The following ZNF407 variants were observed in gnomAD, a reference collection of about 807,000 sequenced individuals.
ZNF407 encodes zinc finger protein 407.
In ZNF407, 17 loss-of-function variants were observed where a neutral mutation model predicts 131.2. The observed-to-expected ratio is 0.13, with a 90% CI of 0.09 to 0.19. The LOEUF is 0.19. ZNF407 is among the 10% of genes least tolerant of loss of function. The pLI is 1.00. For synonymous variants in ZNF407, 1,156 were observed against 1,062.0 expected (o/e 1.09, Z -1.72); for missense variants, 2,681 against 2,830.6 (o/e 0.95, Z 1.20).
At chr18:74,800,856 A>G (rs774820425) in intron 4 of ZNF407, among the ~76,000 whole-genome samples, 1 of 152,146 alleles carries the variant, frequency 6.6e-6, no homozygotes, top group Non-Finnish European at 1.5e-5. Flanking sequence ...CCTATCACTG[A>G]TAACTTTTAT....
intron 1 of ZNF407, among the ~76,000 whole-genome samples, chr18:74,615,822 C>T (rs1158256380): frequency 6.6e-6 from 1 of 151,806 alleles, no homozygotes; most frequent in African/African-American, 2.4e-5. Context: ...GACTTGTGAT[C>T]CCATCTGTGA....
At chr18:74,858,714 G>A (rs1970894590) in intron 4 of ZNF407, among the ~76,000 whole-genome samples, 1 of 152,000 alleles carries the variant, frequency 6.6e-6, no homozygotes, top group African/African-American at 2.4e-5. Context: ...TTTCAAAATT[G>A]TTGGGCATAT....
intron 3 of ZNF407, among the ~76,000 whole-genome samples, chr18:74,671,400 G>C (rs546838775): frequency 6.6e-5 from 10 of 151,732 alleles, no homozygotes; most frequent in Non-Finnish European, 1.2e-4. Context: ...ACATGTGAAG[G>C]TGTGTTATAT....
At chr18:74,753,404 G>C (rs887955575) in intron 3 of ZNF407, among the ~76,000 whole-genome samples, 1 of 152,210 alleles carries the variant, frequency 6.6e-6, no homozygotes, top group Non-Finnish European at 1.5e-5. Flanking sequence ...TTGAATAGGA[G>C]TGGTGAGAGA....
At chr18:74,660,951 A>G (rs983047664) in intron 3 of ZNF407, among the ~76,000 whole-genome samples, 4 of 152,192 alleles carry the variant, frequency 2.6e-5, no homozygotes, top group Non-Finnish European at 5.9e-5. Flanking sequence ...AGGCAACTGA[A>G]AGTTAAGAAA....
intron 4 of ZNF407, among the ~76,000 whole-genome samples, chr18:74,875,860 TTAAC>T (rs1971148851): frequency 1.3e-5 from 2 of 152,194 alleles, no homozygotes; most frequent in Non-Finnish European, 2.9e-5. Context: ...TCTTAAATAT[TTAAC>T]TATTTTTATT....
At chr18:74,623,565 ATTGT>A (rs1324182848) in intron 1 of ZNF407, among the ~76,000 whole-genome samples, 1 of 152,242 alleles carries the variant, frequency 6.6e-6, no homozygotes, top group Non-Finnish European at 1.5e-5. Flanking sequence ...GACTGAAATA[ATTGT>A]TTCTCAAATT....
chr18:75,064,202 G>T lies in ZNF407; in HGVS notation c.6481G>T (p.Gly2161Cys). ...LVQAMVQESSGGFSEGTTHYI... is the reference protein window; with the variant it reads ...LVQAMVQESSCGFSEGTTHYI... ...CCAGGCCATGGTGCAGGAGTCCAGTGGCGGCTTCTCCGAGGGCACCACGCA... is the reference window on the plus strand; with the variant it reads ...CCAGGCCATGGTGCAGGAGTCCAGTTGCGGCTTCTCCGAGGGCACCACGCA... The change falls in exon 9 of 9, where the codon GGC becomes TGC. Residue 2161 changes from glycine (G) to cysteine (C), a missense_variant. By Grantham distance (159) the Gly-to-Cys change is radical (BLOSUM62 -3). Around this residue, in one of 6 missense-constraint regions of ZNF407, gnomAD observed 620 missense variants for 583.1 expected, o/e 1.06. Transcript: ENST00000299687. The T allele has an allele frequency of 6.2e-7, 1 of 1,604,900 alleles. No homozygotes were observed.
In ZNF407 at chr18:74,694,402, A is replaced by G. The variant is rs368935615; in HGVS notation, c.4802+53280A>G. ...GATCTCTTGGAATTTGATCAATTCC[A>G]AGAGATATAGCTCCCTTTATTAATT... On this transcript the variant is annotated intron_variant, in intron 3 of 8. Transcript: ENST00000299687. Among the ~76,000 whole-genome samples the G allele has an allele frequency of 1.6e-4, 24 of 152,168 alleles. No individual in the cohort carries two copies. The South Asian group carries it at 5.0e-3, about 32-fold the overall frequency.
intron 7 of ZNF407, among the ~76,000 whole-genome samples, chr18:74,892,658 G>A (rs370314427): frequency 2.0e-5 from 3 of 152,274 alleles, no homozygotes; most frequent in East Asian, 1.9e-4. Context: ...AGTTTTTGAA[G>A]TAGTTAAAAA....
rs547470847 is a variant in ZNF407, at chr18:74,602,083, C to T, written c.-54+4146C>T. Among the ~76,000 whole-genome samples, 3 of 152,298 alleles carry T rather than the reference C, an allele frequency of 2.0e-5. No individual in the cohort carries two copies. The South Asian group carries it at 6.2e-4, about 32-fold the overall frequency. On this transcript the variant is annotated intron_variant, in intron 1 of 8. Coordinates refer to ENST00000299687, the MANE Select transcript of ZNF407 (RefSeq NM_017757.3). ...CAGTGTTGTCTTGTGACTAGAACATCTCCTTATGGTAATTATATGGGTAGA... is the reference window on the plus strand; with the variant it reads ...CAGTGTTGTCTTGTGACTAGAACATTTCCTTATGGTAATTATATGGGTAGA...
At chr18:74,788,322 T>TG (rs1373544198) in intron 4 of ZNF407, among the ~76,000 whole-genome samples, 1 of 152,208 alleles carries the variant, frequency 6.6e-6, no homozygotes, top group Non-Finnish European at 1.5e-5. Flanking sequence ...CATTTGGTTT[T>TG]GGGGGCGTTG....
At chr18:75,020,560 T>G (rs2122201622) in intron 8 of ZNF407, among the ~76,000 whole-genome samples, 1 of 152,228 alleles carries the variant, frequency 6.6e-6, no homozygotes, top group Non-Finnish European at 1.5e-5. Flanking sequence ...CTGTGAGAAT[T>G]TAAACTATTA....
At chr18:74,674,294 C>T (rs1049880356) in intron 3 of ZNF407, among the ~76,000 whole-genome samples, 3 of 152,110 alleles carry the variant, frequency 2.0e-5, no homozygotes, top group African/African-American at 7.2e-5. Context: ...TGTTAGAGAT[C>T]CAGGACTTTA....
chr18:75,004,218 A>G (rs1449269072), intron 8 of ZNF407, among the ~76,000 whole-genome samples: 1 of 152,114 alleles, frequency 6.6e-6, no homozygotes, highest in East Asian at 1.9e-4. Flanking sequence ...CAGTGAGAAA[A>G]CACTTCTTCA....
rs561783765 is a variant in ZNF407, at chr18:75,053,157, G to A, written c.5429-9993G>A. On this transcript the variant is annotated intron_variant, in intron 8 of 8. Coordinates refer to ENST00000299687, the MANE Select transcript of ZNF407 (RefSeq NM_017757.3). ...TGGAAATTTTCTGGAGGACTTCAGTGTGCCGTGCATAGCTGCTGAGATAGA... is the reference window on the plus strand; with the variant it reads ...TGGAAATTTTCTGGAGGACTTCAGTATGCCGTGCATAGCTGCTGAGATAGA... 2.0e-5 allele frequency among the ~76,000 whole-genome samples: 3 copies of A among 152,282 alleles called. No individual in the cohort carries two copies. In the South Asian group the frequency reaches 6.2e-4, roughly 32 times the overall value.
chr18:74,835,629 G>GGTGTGT lies in ZNF407; in HGVS notation c.4878-41535_4878-41530dup, dbSNP rs60463192. 2.7e-3 allele frequency among the ~76,000 whole-genome samples: 252 copies of GGTGTGT among 92,188 alleles called. 2 individuals carry two copies. Among genetic ancestry groups the GGTGTGT allele is most frequent in the Middle Eastern group, 0.02 (4 of 196 alleles). 60.5% of individuals were successfully genotyped at this position (92,188 alleles called of 152,430 possible). ...TGAGTTTGTGTCTTGGACAGAGGGG[G>GGTGTGT]GTGTGTGTGTGTGTGTGTGTGTGTG... On this transcript the variant is annotated intron_variant, in intron 4 of 8. Transcript: ENST00000299687.
At chr18:74,764,821 T>C (rs1362611636) in intron 3 of ZNF407, among the ~76,000 whole-genome samples, 1 of 152,202 alleles carries the variant, frequency 6.6e-6, no homozygotes, top group Non-Finnish European at 1.5e-5. Context: ...TAATAAATAT[T>C]GTATATATTA....
intron 8 of ZNF407, among the ~76,000 whole-genome samples, chr18:74,961,327 C>CGGTGACCTAGCAGATCAT (rs1273955771): frequency 7.3e-4 from 111 of 152,286 alleles, no homozygotes; most frequent in Non-Finnish European, 1.1e-3. Context: ...TCCAAGATCA[C>CGGTGACCTAGCAGATCAT]GGTGACCTAG....
Sources: allele counts gnomAD v4.1 joint callset (sites outside exome capture counted in the v4.1 genomes callset), GRCh38; gene constraint gnomAD v4.1.1; regional missense constraint gnomAD v4.1.1; transcripts MANE v1.5; gene names NCBI Gene and HGNC (gene_info 2026-07-23, HGNC 2026-07-21).